Variants in STK32B observed in about 807,000 individuals in gnomAD.
STK32B encodes the protein serine/threonine kinase 32B.
STK32B carries 43 observed loss-of-function variants against 52.6 expected under a neutral mutation model. The observed-to-expected ratio is 0.82, with a 90% confidence interval of 0.64 to 1.05. STK32B has a LOEUF of 1.05. Among genes scored for constraint, STK32B ranks in the 50% least tolerant of loss-of-function variants. The probability of loss-of-function intolerance (pLI) is 0.00; values close to 1 mark genes in which losing one functional copy is unlikely to be tolerated. For synonymous variants in STK32B, 238 were observed against 204.3 expected, an observed-to-expected ratio of 1.17 and a Z score of -1.41; for missense variants, 621 against 534.6, an observed-to-expected ratio of 1.16 and a Z score of -1.59.
chr4:5,335,728 C>T (rs1296042757), intron 4 of STK32B, among the ~76,000 whole-genome samples: 2 of 151,922 alleles, frequency 1.3e-5, no homozygotes, highest in Non-Finnish European at 2.9e-5. Context: ...GCCTTCATTT[C>T]GTTATGTACC....
chr4:5,358,701 G>GCGCACACA (rs151338728), intron 4 of STK32B, among the ~76,000 whole-genome samples: 1,853 of 106,802 alleles, frequency 0.017, 18 homozygotes, highest in South Asian at 0.075. Context: ...TCACACACAT[G>GCGCACACA]CACACACACA....
intron 4 of STK32B, among the ~76,000 whole-genome samples, chr4:5,359,316 C>T (rs1012441188): frequency 2.0e-5 from 3 of 152,072 alleles, no homozygotes; most frequent in African/African-American, 7.2e-5. Context: ...TTCATCCACT[C>T]ACTCATCTAC....
intron 3 of STK32B, among the ~76,000 whole-genome samples, chr4:5,224,322 A>G (rs1723730625): frequency 6.6e-6 from 1 of 152,234 alleles, no homozygotes; most frequent in Admixed American, 6.5e-5. Flanking sequence ...GGGACCTCCC[A>G]ATGCACTTAG....
chr4:5,388,493 A>T (rs1736398053), intron 4 of STK32B, among the ~76,000 whole-genome samples: 1 of 152,172 alleles, frequency 6.6e-6, no homozygotes, highest in Non-Finnish European at 1.5e-5. Context: ...AGAACATGAC[A>T]CATACTCACA....
At chr4:5,077,828 A>G (rs535479905) in intron 1 of STK32B, among the ~76,000 whole-genome samples, 14 of 152,284 alleles carry the variant, frequency 9.2e-5, no homozygotes, top group African/African-American at 3.4e-4. Flanking sequence ...GGCAGACTCT[A>G]TGGCAGGAGC....
intron 2 of STK32B, among the ~76,000 whole-genome samples, chr4:5,160,186 G>A (rs917901209): frequency 3.9e-5 from 6 of 152,290 alleles, no homozygotes; most frequent in Non-Finnish European, 5.9e-5. Context: ...CCATGAGCCC[G>A]TTCCTGAGGC....
At chr4:5,454,471 A>G (rs1004214575) in intron 7 of STK32B, among the ~76,000 whole-genome samples, 2 of 151,994 alleles carry the variant, frequency 1.3e-5, no homozygotes, top group Non-Finnish European at 2.9e-5. Context: ...TCCCCCTTTT[A>G]TACGGACTCA....
chr4:5,493,207 C>T lies in STK32B; in HGVS notation c.1107-5738C>T, dbSNP rs186831329. ...GAATTCGGCTGTGAATCCATCTGGTCCTGGACTCTTTTTTCTTGGTAAGCT... is the reference window on the plus strand; with the variant it reads ...GAATTCGGCTGTGAATCCATCTGGTTCTGGACTCTTTTTTCTTGGTAAGCT... On this transcript the variant is annotated intron_variant, in intron 11 of 11. Transcript: ENST00000282908. Among the ~76,000 whole-genome samples, 422 of 152,188 alleles carry T rather than the reference C, an allele frequency of 2.8e-3. 2 individuals carry two copies. The highest frequency in any genetic ancestry group is 9.8e-3 in the African/African-American group (406 of 41,500).
the STK32B span, chr4:5,019,491 G>C: frequency 7.0e-7 from 1 of 1,425,040 alleles, no homozygotes; most frequent in Non-Finnish European, 9.1e-7. Flanking sequence ...CTTTATGCAG[G>C]CTGGGGGTGG....
the STK32B span, among the ~76,000 whole-genome samples, chr4:5,032,634 G>T: frequency 0.11 from 17,433 of 151,752 alleles, 1,171 homozygotes; most frequent in Middle Eastern, 0.22. Flanking sequence ...AAATTTTATT[G>T]TAGTAAAATA....
intron 3 of STK32B, among the ~76,000 whole-genome samples, chr4:5,222,631 G>A (rs1723611233): frequency 6.6e-6 from 1 of 152,208 alleles, no homozygotes; most frequent in South Asian, 2.1e-4. Context: ...CAACTTAAGA[G>A]TGATGAACTA....
chr4:5,318,914 C>T (rs1286370168), intron 3 of STK32B, among the ~76,000 whole-genome samples: 1 of 152,038 alleles, frequency 6.6e-6, no homozygotes, highest in Non-Finnish European at 1.5e-5. Flanking sequence ...ATTCACCTGC[C>T]TCAGCCTCCT....
intron 2 of STK32B, among the ~76,000 whole-genome samples, chr4:5,158,322 T>C (rs1282389562): frequency 1.3e-5 from 2 of 152,150 alleles, no homozygotes; most frequent in Non-Finnish European, 2.9e-5. Context: ...GGGGTCCCTG[T>C]GCCTTGCCTT....
chr4:5,188,302 C>T (rs771910751), intron 3 of STK32B, among the ~76,000 whole-genome samples: 24 of 152,156 alleles, frequency 1.6e-4, no homozygotes, highest in Admixed American at 3.3e-4. Flanking sequence ...AAATAGCATT[C>T]GCATGTAATA....
intron 4 of STK32B, among the ~76,000 whole-genome samples, chr4:5,381,787 T>G (rs1247116830): frequency 2.6e-5 from 4 of 152,160 alleles, no homozygotes; most frequent in Non-Finnish European, 5.9e-5. Context: ...CTGTCTGGGT[T>G]TTTAATCCTG....
At chr4:5,171,732 C>G (rs1391219750) in intron 3 of STK32B, among the ~76,000 whole-genome samples, 1 of 147,838 alleles carries the variant, frequency 6.8e-6, no homozygotes, top group African/African-American at 2.4e-5. Flanking sequence ...GGTTTGAAGT[C>G]AGGTAGCGTG....
intron 6 of STK32B, among the ~76,000 whole-genome samples, chr4:5,424,357 G>A (rs533080590): frequency 3.6e-4 from 55 of 152,204 alleles, no homozygotes; most frequent in Non-Finnish European, 6.2e-4. Flanking sequence ...TCAAGCCAGG[G>A]ATGGTCTGAA....
At chr4:5,372,126 C>T (rs1027859065) in intron 4 of STK32B, among the ~76,000 whole-genome samples, 7 of 152,190 alleles carry the variant, frequency 4.6e-5, no homozygotes, top group Non-Finnish European at 1.0e-4. Flanking sequence ...CTGAGCAACC[C>T]CTTGGAGGAG....
intron 6 of STK32B, among the ~76,000 whole-genome samples, chr4:5,422,929 C>T (rs916974705): frequency 5.3e-5 from 8 of 152,230 alleles, no homozygotes; most frequent in South Asian, 2.1e-4. Flanking sequence ...TTTAGGCAGA[C>T]GGAACAACCC....
Sources: gnomAD v4.1 joint callset for allele counts (sites outside exome capture counted in the v4.1 genomes callset) on GRCh38, gnomAD v4.1.1 for gene constraint, MANE v1.5 for transcripts, NCBI Gene and HGNC (gene_info 2026-07-23, HGNC 2026-07-21) for gene names.